CES5A: variants seen among roughly 807,000 people sequenced by gnomAD.
CES5A encodes the protein carboxylesterase 5A.
CES5A carries 67 observed loss-of-function variants against 62.9 expected under a neutral mutation model. The ratio of observed to expected loss-of-function variants is 1.07; its 90% CI spans 0.88 to 1.31. The LOEUF is 1.31. CES5A is among the 50% of genes most tolerant of loss of function. The probability of loss-of-function intolerance (pLI) is 0.00; values close to 1 mark genes in which losing one functional copy is unlikely to be tolerated. For synonymous variants in CES5A, 296 were observed against 280.8 expected (o/e 1.05, Z -0.54); for missense variants, 748 against 708.5 (o/e 1.06, Z -0.63).
At chr16:55,895,528 T>A (rs1319349497) in intron 1 of CES5A, among the ~76,000 whole-genome samples, 7 of 152,370 alleles carry the variant, frequency 4.6e-5, no homozygotes, top group South Asian at 2.1e-4. Flanking sequence ...CTACTTTATT[T>A]TCTCAGTCTT....
chr16:55,874,066 G>A (rs752259562), intron 1 of CES5A, 29 bp from the exon 2 acceptor site: 1 of 1,564,494 alleles, frequency 6.4e-7, no homozygotes, highest in Non-Finnish European at 8.7e-7. Flanking sequence ...GGAATCAGGA[G>A]CAGGCTGGGG....
intron 8 of CES5A, among the ~76,000 whole-genome samples, chr16:55,858,812 T>A (rs2033294955): frequency 6.6e-6 from 1 of 152,188 alleles, no homozygotes; most frequent in African/African-American, 2.4e-5. Context: ...AAGAGAGTCT[T>A]CCTATGCCAC....
intron 1 of CES5A, chr16:55,955,798 T>C (rs1309944670): frequency 6.5e-7 from 1 of 1,529,054 alleles, no homozygotes; most frequent in African/African-American, 1.4e-5. Flanking sequence ...TTCCAGTGGG[T>C]TTGGGGGTGG....
intron 2 of CES5A, among the ~76,000 whole-genome samples, chr16:55,948,331 A>T (rs1232437587): frequency 6.6e-6 from 1 of 152,222 alleles, no homozygotes; most frequent in African/African-American, 2.4e-5. Context: ...CACATGTTTC[A>T]TGTGAAAAGG....
upstream of CES5A, among the ~76,000 whole-genome samples, chr16:55,927,367 T>G (rs1333625689): frequency 5.9e-5 from 9 of 152,030 alleles, no homozygotes; most frequent in African/African-American, 1.7e-4. Flanking sequence ...ACTATACATC[T>G]GACAAAGGAC....
At chr16:55,849,799 G>A (rs1390918112) in intron 10 of CES5A, 26 bp from the exon 11 acceptor site, 2 of 1,611,254 alleles carry the variant, frequency 1.2e-6, no homozygotes, top group Non-Finnish European at 8.5e-7. Context: ...GGAAGGTCAG[G>A]CATGCATGCA....
chr16:55,953,937 A>G (rs535512212), intron 1 of CES5A, among the ~76,000 whole-genome samples: 1 of 152,332 alleles, frequency 6.6e-6, no homozygotes, highest in African/African-American at 2.4e-5. Flanking sequence ...ACAATAAATT[A>G]CTGTTGACTA....
At chr16:55,941,773 T>G (rs1163508704) in intron 2 of CES5A, among the ~76,000 whole-genome samples, 1 of 152,100 alleles carries the variant, frequency 6.6e-6, no homozygotes, top group Admixed American at 6.6e-5. Flanking sequence ...AACAGGCACA[T>G]AGATAGCATA....
intron 1 of CES5A, among the ~76,000 whole-genome samples, chr16:55,923,623 C>CA (rs1313136151): frequency 4.6e-5 from 7 of 151,582 alleles, no homozygotes; most frequent in Non-Finnish European, 8.9e-5. Flanking sequence ...TCAAACTCTT[C>CA]AAAAAAATTG....
chr16:55,893,993 G>A lies in CES5A; in HGVS notation c.-255-19956C>T, dbSNP rs372467039. On this transcript the variant is annotated intron_variant, in intron 1 of 12. Transcript: ENST00000518005. ...CTTTGCCAAAAGCCAAAGAATAAAA[G>A]ACACATTGGATTGTAGAAAAAAAGC... 1.5e-4 allele frequency among the ~76,000 whole-genome samples: 23 copies of A among 151,870 alleles called. No homozygotes were observed. In the East Asian group the frequency reaches 4.3e-3, roughly 28 times the overall value.
At chr16:55,857,853 G>T (rs1385874111) in intron 8 of CES5A, among the ~76,000 whole-genome samples, 1 of 152,140 alleles carries the variant, frequency 6.6e-6, no homozygotes, top group Non-Finnish European at 1.5e-5. Flanking sequence ...GAGAGGGTGG[G>T]CAACTCCCCT....
intron 1 of CES5A, among the ~76,000 whole-genome samples, chr16:55,954,743 G>T (rs2034591590): frequency 6.6e-6 from 1 of 152,062 alleles, no homozygotes; most frequent in Non-Finnish European, 1.5e-5. Flanking sequence ...CACAAAAATG[G>T]ACCCACCATG....
intron 2 of CES5A, among the ~76,000 whole-genome samples, chr16:55,932,690 A>G (rs1053328939): frequency 6.6e-6 from 1 of 152,190 alleles, no homozygotes; most frequent in East Asian, 1.9e-4. Flanking sequence ...GGAAATGCAC[A>G]GGCAAAGACC....
chr16:55,914,385 G>A (rs1340869157), intron 1 of CES5A, among the ~76,000 whole-genome samples: 1 of 152,128 alleles, frequency 6.6e-6, no homozygotes, highest in Non-Finnish European at 1.5e-5. Flanking sequence ...CTGACCCATT[G>A]GTTCAAAAAT....
chr16:55,879,014 T>A (rs1173236620), upstream of CES5A, among the ~76,000 whole-genome samples: 1 of 132,028 alleles, frequency 7.6e-6, no homozygotes, highest in African/African-American at 2.9e-5. Flanking sequence ...CTTCACCCCA[T>A]CACTGCACCC....
In CES5A at chr16:55,937,294, C is replaced by T. The variant is rs572954631; in HGVS notation, c.160+12491G>A. On this transcript the variant is annotated intron_variant, in intron 2 of 13. Coordinates refer to the CES5A transcript ENST00000521992. ...AATCACCTTGCATGATGACTGCTTCCATATCTGCCTCCCTCGCTGGGCCAT... is the reference window on the plus strand; with the variant it reads ...AATCACCTTGCATGATGACTGCTTCTATATCTGCCTCCCTCGCTGGGCCAT... 1.1e-4 allele frequency among the ~76,000 whole-genome samples: 16 copies of T among 152,268 alleles called. No individual in the cohort carries two copies. In the South Asian group the frequency reaches 2.3e-3, roughly 22 times the overall value.
chr16:55,941,585 G>T (rs2034446868), intron 2 of CES5A, among the ~76,000 whole-genome samples: 1 of 151,964 alleles, frequency 6.6e-6, no homozygotes, highest in Non-Finnish European at 1.5e-5. Context: ...AAAATCCCAG[G>T]AGGATTTTTT....
At chr16:55,934,316 T>C (rs191975189) in intron 2 of CES5A, among the ~76,000 whole-genome samples, 4 of 152,340 alleles carry the variant, frequency 2.6e-5, no homozygotes, top group African/African-American at 9.6e-5. Context: ...ATTCCAAGCA[T>C]TCAGTAGACA....
intron 11 of CES5A, among the ~76,000 whole-genome samples, chr16:55,848,319 A>T (rs2033057959): frequency 6.6e-6 from 1 of 151,372 alleles, no homozygotes; most frequent in Non-Finnish European, 1.5e-5. Flanking sequence ...GGGTCTTACT[A>T]TGTTTCCCAA....
Sources: gnomAD v4.1 joint callset for allele counts (sites outside exome capture counted in the v4.1 genomes callset) on GRCh38, gnomAD v4.1.1 for gene constraint, MANE v1.5 for transcripts, NCBI Gene and HGNC (gene_info 2026-07-23, HGNC 2026-07-21) for gene names.